The following LMBR1 variants were observed in gnomAD, a reference collection of about 807,000 sequenced individuals.
The protein encoded by LMBR1 is limb development membrane protein 1, also known as limb region 1 protein homolog.
A neutral mutation model predicts 73.9 loss-of-function variants in LMBR1; 52 were observed. The ratio of observed to expected loss-of-function variants is 0.70; its 90% CI spans 0.56 to 0.89. The LOEUF is 0.89. Among genes scored for constraint, LMBR1 ranks in the 40% least tolerant of loss-of-function variants. The pLI is 0.00. For synonymous variants in LMBR1, 215 were observed against 209.4 expected, an observed-to-expected ratio of 1.03 and a Z score of -0.23; for missense variants, 539 against 579.8, an observed-to-expected ratio of 0.93 and a Z score of 0.72.
At chr7:156,879,315 C>A (rs979573474) in intron 1 of LMBR1, among the ~76,000 whole-genome samples, 1 of 152,118 alleles carries the variant, frequency 6.6e-6, no homozygotes, top group Non-Finnish European at 1.5e-5. Context: ...GGACTGATAT[C>A]CAGAATCCAC....
intron 5 of LMBR1, among the ~76,000 whole-genome samples, chr7:156,790,049 T>C (rs1828924324): frequency 6.6e-6 from 1 of 152,108 alleles, no homozygotes; most frequent in East Asian, 1.9e-4. Context: ...TTAATCATCA[T>C]ATAAAAGGGT....
intron 2 of LMBR1, among the ~76,000 whole-genome samples, 164 bp from the exon 3 acceptor site, chr7:156,833,956 T>C (rs928993137): frequency 1.3e-4 from 20 of 152,316 alleles, no homozygotes; most frequent in Non-Finnish European, 1.8e-4. Flanking sequence ...AATTTAAATC[T>C]CATTAAATCA....
At chr7:156,725,168 GAA>G (rs1259308342) in intron 14 of LMBR1, among the ~76,000 whole-genome samples, 1 of 152,144 alleles carries the variant, frequency 6.6e-6, no homozygotes, top group Non-Finnish European at 1.5e-5. Flanking sequence ...TTCTTTAGAG[GAA>G]AAAGAGTCCT....
At chr7:156,721,248 T>C (rs1484624523) in intron 15 of LMBR1, among the ~76,000 whole-genome samples, 1 of 152,076 alleles carries the variant, frequency 6.6e-6, no homozygotes, top group African/African-American at 2.4e-5. Context: ...TTAAAAGCAT[T>C]TCAAAGACTA....
chr7:156,754,935 A>T (rs1302570764), intron 9 of LMBR1, among the ~76,000 whole-genome samples: 1 of 152,238 alleles, frequency 6.6e-6, no homozygotes. Context: ...CACAGTGGCT[A>T]ACCAGCAGCA....
intron 3 of LMBR1, among the ~76,000 whole-genome samples, chr7:156,829,331 T>TC (rs1385496151): frequency 6.6e-6 from 1 of 152,198 alleles, no homozygotes; most frequent in East Asian, 1.9e-4. Flanking sequence ...TGAAATGTGA[T>TC]CCCCCAGTGT....
At chr7:156,704,282 T>C (rs1266175348) in intron 15 of LMBR1, among the ~76,000 whole-genome samples, 3 of 152,056 alleles carry the variant, frequency 2.0e-5, no homozygotes, top group African/African-American at 4.8e-5. Flanking sequence ...AACTTCACAA[T>C]AGCTGCCACC....
intron 1 of LMBR1, among the ~76,000 whole-genome samples, chr7:156,844,685 C>G (rs1336374456): frequency 1.3e-5 from 2 of 151,880 alleles, no homozygotes; most frequent in African/African-American, 4.8e-5. Flanking sequence ...GAGCTTTGCT[C>G]CTGGTCAGGG....
downstream of LMBR1, chr7:156,676,254 T>C (rs754235445): frequency 1.3e-6 from 2 of 1,536,948 alleles, no homozygotes; most frequent in Non-Finnish European, 1.8e-6. Flanking sequence ...TGTATATATA[T>C]ATGTATATAT....
rs1418475104 is a variant in LMBR1, at chr7:156,688,304, C to T, written c.1226-113G>A. On this transcript the variant is annotated intron_variant, in intron 15 of 16. Coordinates refer to ENST00000353442, the MANE Select transcript of LMBR1 (RefSeq NM_022458.4). ...TCTATGGACTTTCTCACTTCTGTGACGTGAGATGCTCTAATGAATAAATCC... is the reference window on the plus strand; with the variant it reads ...TCTATGGACTTTCTCACTTCTGTGATGTGAGATGCTCTAATGAATAAATCC... 8.0e-5 allele frequency: 54 copies of T among 676,274 alleles called. No individual in the cohort carries two copies. The East Asian group carries it at 8.7e-4, about 11-fold the overall frequency. 41.9% of individuals were successfully genotyped at this position (676,274 alleles called of 1,614,324 possible). A position where few individuals can be genotyped will look rare whatever the true frequency, so the allele number is the denominator to read the frequency against.
intron 5 of LMBR1, among the ~76,000 whole-genome samples, chr7:156,782,172 A>C (rs1277644431): frequency 1.3e-5 from 2 of 152,200 alleles, no homozygotes; most frequent in African/African-American, 4.8e-5. Flanking sequence ...GGGCTGAATA[A>C]TACTTCATTG....
intron 15 of LMBR1, among the ~76,000 whole-genome samples, chr7:156,689,284 A>G (rs1806648869): frequency 6.6e-6 from 1 of 152,220 alleles, no homozygotes; most frequent in Admixed American, 6.5e-5. Flanking sequence ...GGGGCCATAT[A>G]AAATTTAAAC....
chr7:156,768,930 C>T (rs1024296420), intron 5 of LMBR1, among the ~76,000 whole-genome samples: 1 of 152,066 alleles, frequency 6.6e-6, no homozygotes, highest in African/African-American at 2.4e-5. Flanking sequence ...AGGAGAGGCA[C>T]CTGCTATTTT....
intron 1 of LMBR1, among the ~76,000 whole-genome samples, chr7:156,837,523 A>G (rs1837881681): frequency 6.6e-6 from 1 of 152,078 alleles, no homozygotes; most frequent in Non-Finnish European, 1.5e-5. Flanking sequence ...ACTCTGAAAA[A>G]TAAAGTCAAC....
chr7:156,709,019 C>T (rs1011023812), intron 15 of LMBR1, among the ~76,000 whole-genome samples: 15 of 152,260 alleles, frequency 9.9e-5, no homozygotes, highest in African/African-American at 3.1e-4. Flanking sequence ...AAGCCCTGCC[C>T]AGGGAGAATC....
At chr7:156,859,965 G>A (rs951578278) in intron 1 of LMBR1, among the ~76,000 whole-genome samples, 1 of 152,166 alleles carries the variant, frequency 6.6e-6, no homozygotes, top group Non-Finnish European at 1.5e-5. Flanking sequence ...GAACAGAATA[G>A]AGAGTTGATA....
intron 5 of LMBR1, among the ~76,000 whole-genome samples, chr7:156,774,860 T>C (rs1011035148): frequency 6.6e-6 from 1 of 151,986 alleles, no homozygotes; most frequent in Non-Finnish European, 1.5e-5. Context: ...TCATGTCTTT[T>C]GCAGCAACAT....
At chr7:156,790,760 A>C (rs933159576) in intron 5 of LMBR1, among the ~76,000 whole-genome samples, 1 of 150,946 alleles carries the variant, frequency 6.6e-6, no homozygotes, top group Admixed American at 6.6e-5. Context: ...TCAATTCAAA[A>C]TTTTTATAAC....
At chr7:156,687,180 T>C (rs999000827) in intron 16 of LMBR1, among the ~76,000 whole-genome samples, 3 of 152,192 alleles carry the variant, frequency 2.0e-5, no homozygotes, top group East Asian at 1.9e-4. Flanking sequence ...AATCCATCAG[T>C]ATGTGGCCTT....
Sources: gnomAD v4.1 joint callset for allele counts (sites outside exome capture counted in the v4.1 genomes callset) on GRCh38, gnomAD v4.1.1 for gene constraint, MANE v1.5 for transcripts, NCBI Gene and HGNC (gene_info 2026-07-23, HGNC 2026-07-21) for gene names.